CHSY3: variants seen among roughly 807,000 people sequenced by gnomAD.
CHSY3 encodes chondroitin sulfate synthase 3, also known as N-acetylgalactosaminyl-proteoglycan 3-beta-glucuronosyltransferase 3.
In CHSY3, 35 loss-of-function variants were observed where a neutral mutation model predicts 67.2. The ratio of observed to expected loss-of-function variants is 0.52; its 90% CI spans 0.40 to 0.69. CHSY3 has a LOEUF of 0.69. Among genes scored for constraint, CHSY3 ranks in the 30% least tolerant of loss-of-function variants. The probability of loss-of-function intolerance (pLI) is 0.00; values close to 1 mark genes in which losing one functional copy is unlikely to be tolerated. For synonymous variants in CHSY3, 474 were observed against 434.7 expected (o/e 1.09, Z -1.12); for missense variants, 1,069 against 1,138.5 (o/e 0.94, Z 0.88).
chr5:129,955,979 A>G (rs1762159686), intron 2 of CHSY3, among the ~76,000 whole-genome samples: 1 of 152,016 alleles, frequency 6.6e-6, no homozygotes, highest in African/African-American at 2.4e-5. Context: ...CTTTGCTATC[A>G]TAAGCAGTGA....
At chr5:129,911,501 C>T (rs1233605680) in intron 2 of CHSY3, among the ~76,000 whole-genome samples, 2 of 152,060 alleles carry the variant, frequency 1.3e-5, no homozygotes, top group Non-Finnish European at 2.9e-5. Context: ...ATGTAAAGCC[C>T]TTAATGTAGT....
rs544040518 is a variant in CHSY3, at chr5:130,184,897, G to A, written c.1755G>A (p.Glu585=). Residue 585 remains glutamate, a synonymous_variant, in exon 3 of 3, where the codon GAG becomes GAA. Coordinates refer to ENST00000305031, the MANE Select transcript of CHSY3 (RefSeq NM_175856.5). ...TEELDVNSLV[E]SINSETQSFS... ...AGCTAGATGTCAACAGTCTTGTGGAGAGTATTAACAGTGAAACTCAGTCAT... is the reference window on the plus strand; with the variant it reads ...AGCTAGATGTCAACAGTCTTGTGGAAAGTATTAACAGTGAAACTCAGTCAT... The A allele has an allele frequency of 7.1e-6, 11 of 1,551,370 alleles. No homozygotes were observed. In the Admixed American group the frequency reaches 1.2e-4, roughly 16 times the overall value.
intron 2 of CHSY3, among the ~76,000 whole-genome samples, chr5:130,177,745 G>C (rs1252945016): frequency 6.6e-6 from 1 of 151,964 alleles, no homozygotes; most frequent in African/African-American, 2.4e-5. Context: ...ATCGGATTTA[G>C]CTTTTATAGA....
chr5:130,133,810 A>AAAG (rs371266760), intron 2 of CHSY3, among the ~76,000 whole-genome samples: 4 of 134,898 alleles, frequency 3.0e-5, no homozygotes, highest in African/African-American at 5.2e-5. Flanking sequence ...AAAAAAAAAA[A>AAAG]GGCTGTCAAC....
At chr5:130,085,601 C>CT (rs1300160394) in intron 2 of CHSY3, among the ~76,000 whole-genome samples, 4 of 152,050 alleles carry the variant, frequency 2.6e-5, no homozygotes, top group African/African-American at 9.7e-5. Flanking sequence ...TTTTATGTCT[C>CT]TATTTCCTTC....
chr5:129,954,739 T>C (rs1762121234), intron 2 of CHSY3, among the ~76,000 whole-genome samples: 1 of 152,128 alleles, frequency 6.6e-6, no homozygotes, highest in South Asian at 2.1e-4. Flanking sequence ...ATTCTCTTGG[T>C]AGCAATTGTG....
chr5:130,034,831 G>A lies in CHSY3; in HGVS notation c.1086+126471G>A, dbSNP rs530064291. Among the ~76,000 whole-genome samples the A allele has an allele frequency of 5.9e-5, 9 of 152,204 alleles. No individual in the cohort carries two copies. The South Asian group carries it at 1.7e-3, about 28-fold the overall frequency. On this transcript the variant is annotated intron_variant, in intron 2 of 2. Coordinates refer to ENST00000305031, the MANE Select transcript of CHSY3 (RefSeq NM_175856.5). Reference sequence around the variant, plus strand: ...AAAAACCCAGTGGAGGTCAGAAAATGAGGCAGAAAAATATCTAGGGGATGA... The same window carrying A: ...AAAAACCCAGTGGAGGTCAGAAAATAAGGCAGAAAAATATCTAGGGGATGA...
intron 2 of CHSY3, among the ~76,000 whole-genome samples, chr5:130,037,165 G>A (rs1292334648): frequency 6.6e-6 from 1 of 152,110 alleles, no homozygotes; most frequent in African/African-American, 2.4e-5. Flanking sequence ...AGGCACCTTT[G>A]AGACAGGCCA....
intron 2 of CHSY3, among the ~76,000 whole-genome samples, chr5:130,143,734 G>GTGTGTATATATATATA (rs1223966105): frequency 0.012 from 1,089 of 94,622 alleles, 20 homozygotes; most frequent in Non-Finnish European, 0.018. Flanking sequence ...GTGTGTGTGT[G>GTGTGTATATATATATA]TATATATATA....
chr5:129,971,712 A>G (rs1183281972), intron 2 of CHSY3, among the ~76,000 whole-genome samples: 1 of 151,982 alleles, frequency 6.6e-6, no homozygotes, highest in African/African-American at 2.4e-5. Flanking sequence ...TTATAAAAAA[A>G]TAGCTTTAGC....
intron 2 of CHSY3, among the ~76,000 whole-genome samples, chr5:130,076,542 C>A (rs1342769994): frequency 6.6e-6 from 1 of 151,396 alleles, no homozygotes; most frequent in Non-Finnish European, 1.5e-5. Context: ...TAATTTCAGG[C>A]AAATAATTTA....
intron 2 of CHSY3, among the ~76,000 whole-genome samples, chr5:129,936,168 G>C (rs1190944179): frequency 1.3e-5 from 2 of 152,160 alleles, no homozygotes; most frequent in Non-Finnish European, 2.9e-5. Flanking sequence ...CTAAATCAAA[G>C]TCAGATTTGG....
At chr5:130,136,399 A>G (rs1382113176) in intron 2 of CHSY3, among the ~76,000 whole-genome samples, 1 of 152,178 alleles carries the variant, frequency 6.6e-6, no homozygotes, top group Non-Finnish European at 1.5e-5. Flanking sequence ...ATGAAGGCTG[A>G]TACTGAGGAG....
At chr5:129,907,567 A>T (rs893836008) in intron 1 of CHSY3, among the ~76,000 whole-genome samples, 3 of 152,214 alleles carry the variant, frequency 2.0e-5, no homozygotes, top group African/African-American at 7.2e-5. Context: ...CCCAAATTAA[A>T]TTTCAAGACA....
At chr5:130,159,643 G>C (rs776063669) in intron 2 of CHSY3, among the ~76,000 whole-genome samples, 1 of 151,956 alleles carries the variant, frequency 6.6e-6, no homozygotes, top group South Asian at 2.1e-4. Context: ...ATATCTAGTC[G>C]TTGCATTTTC....
chr5:130,061,914 A>G (rs903660652), intron 2 of CHSY3, among the ~76,000 whole-genome samples: 2 of 152,074 alleles, frequency 1.3e-5, no homozygotes, highest in African/African-American at 4.8e-5. Flanking sequence ...AGATATTGGC[A>G]TGGATGCAGA....
chr5:130,170,036 G>T (rs993302758), intron 2 of CHSY3, among the ~76,000 whole-genome samples: 4 of 151,870 alleles, frequency 2.6e-5, no homozygotes, highest in African/African-American at 9.7e-5. Context: ...AGTTACATGG[G>T]TATGTTGTGT....
intron 2 of CHSY3, among the ~76,000 whole-genome samples, chr5:129,923,020 C>T (rs1760975243): frequency 6.6e-6 from 1 of 152,134 alleles, no homozygotes; most frequent in African/African-American, 2.4e-5. Flanking sequence ...ATGGCTGGAG[C>T]ATAGAAGGAT....
intron 2 of CHSY3, among the ~76,000 whole-genome samples, chr5:130,025,805 T>G (rs889532241): frequency 6.6e-6 from 1 of 152,100 alleles, no homozygotes. Context: ...AAAGGCCCCA[T>G]GCATGTCCAA....
Sources: gnomAD v4.1 joint callset for allele counts (sites outside exome capture counted in the v4.1 genomes callset) on GRCh38, gnomAD v4.1.1 for gene constraint, MANE v1.5 for transcripts, NCBI Gene and HGNC (gene_info 2026-07-23, HGNC 2026-07-21) for gene names.